Variants in OSBPL10 observed in about 807,000 individuals in gnomAD.
The protein encoded by OSBPL10 is oxysterol binding protein like 10.
A neutral mutation model predicts 81.7 loss-of-function variants in OSBPL10; 49 were observed. That is an observed-to-expected ratio of 0.60 (90% CI 0.48 to 0.76). The LOEUF is 0.76. Ranked by LOEUF, OSBPL10 falls within the 30% of genes least tolerant of loss-of-function variation. OSBPL10 has a pLI of 0.00. For synonymous variants in OSBPL10, 419 were observed against 383.6 expected, an observed-to-expected ratio of 1.09 and a Z score of -1.08; for missense variants, 923 against 987.8, an observed-to-expected ratio of 0.93 and a Z score of 0.88.
At chr3:31,681,928 T>C (rs1169790531) in intron 8 of OSBPL10, among the ~76,000 whole-genome samples, 2 of 152,184 alleles carry the variant, frequency 1.3e-5, no homozygotes, top group African/African-American at 4.8e-5. Context: ...TCCCATACTC[T>C]TCCTTCAAAG....
chr3:31,885,851 C>T (rs1251326218), intron 1 of OSBPL10, among the ~76,000 whole-genome samples: 4 of 148,512 alleles, frequency 2.7e-5, no homozygotes, highest in Non-Finnish European at 6.0e-5. Context: ...AAAAATTAGC[C>T]TGGCATGGTG....
chr3:31,776,679 G>C (rs1363118537), intron 4 of OSBPL10, among the ~76,000 whole-genome samples: 1 of 152,164 alleles, frequency 6.6e-6, no homozygotes, highest in Non-Finnish European at 1.5e-5. Context: ...CATTGTAAGT[G>C]AAAGGAGACA....
intron 1 of OSBPL10, among the ~76,000 whole-genome samples, chr3:32,057,684 G>GGTC (rs1483386397): frequency 6.6e-6 from 1 of 152,132 alleles, no homozygotes; most frequent in Non-Finnish European, 1.5e-5. Context: ...ACCTCCACCT[G>GGTC]GTCTCTCCTT....
At chr3:32,017,715 C>T (rs1008906240) in intron 2 of OSBPL10, among the ~76,000 whole-genome samples, 1 of 152,150 alleles carries the variant, frequency 6.6e-6, no homozygotes, top group Non-Finnish European at 1.5e-5. Flanking sequence ...TCAGTTAAGC[C>T]ATTTCACTTC....
intron 1 of OSBPL10, among the ~76,000 whole-genome samples, chr3:32,070,764 C>G (rs1699822974): frequency 6.6e-6 from 1 of 152,198 alleles, no homozygotes; most frequent in African/African-American, 2.4e-5. Context: ...CCTGTGGTGC[C>G]CAACCCATAC....
intron 2 of OSBPL10, among the ~76,000 whole-genome samples, chr3:31,996,774 C>T (rs1699093965): frequency 6.6e-6 from 1 of 152,160 alleles, no homozygotes; most frequent in African/African-American, 2.4e-5. Context: ...CCGCTATCAA[C>T]TCCAGAGAGT....
At chr3:31,950,078 G>A (rs578113129) in intron 1 of OSBPL10, among the ~76,000 whole-genome samples, 1 of 152,284 alleles carries the variant, frequency 6.6e-6, no homozygotes, top group East Asian at 1.9e-4. Context: ...AGGGATGACT[G>A]TTTCTGCCAG....
At chr3:32,057,858 G>A (rs1302614647) in intron 1 of OSBPL10, among the ~76,000 whole-genome samples, 1 of 152,190 alleles carries the variant, frequency 6.6e-6, no homozygotes, top group African/African-American at 2.4e-5. Context: ...CAACCCAGGA[G>A]GTGGAAGTAC....
chr3:31,733,573 ATC>A (rs531541449), intron 5 of OSBPL10, among the ~76,000 whole-genome samples, 162 bp from the exon 6 acceptor site: 2 of 152,094 alleles, frequency 1.3e-5, no homozygotes, highest in Non-Finnish European at 2.9e-5. Context: ...GATTCTGATC[ATC>A]TGTTGATGAA....
rs1467797042 is a variant in OSBPL10, at chr3:31,713,489, C to T, written c.1096-10981G>A. On this transcript the variant is annotated intron_variant, in intron 6 of 11. Transcript: ENST00000396556. Reference sequence around the variant, plus strand: ...TTGGCTCACTGCAACCTTCCCCTCCCGGGCTTAAGCAATTCTCCTGCCTCA... The same window carrying T: ...TTGGCTCACTGCAACCTTCCCCTCCTGGGCTTAAGCAATTCTCCTGCCTCA... 5.9e-5 allele frequency among the ~76,000 whole-genome samples: 9 copies of T among 151,854 alleles called. No homozygotes were observed. In the East Asian group the frequency reaches 1.4e-3, roughly 23 times the overall value.
intron 4 of OSBPL10, among the ~76,000 whole-genome samples, chr3:31,782,315 A>T (rs992400601): frequency 1.3e-5 from 2 of 152,150 alleles, no homozygotes; most frequent in Non-Finnish European, 2.9e-5. Context: ...TAAATATAAG[A>T]CCTAAAACCA....
intron 4 of OSBPL10, among the ~76,000 whole-genome samples, chr3:31,752,380 G>A (rs1294701657): frequency 6.6e-6 from 1 of 152,056 alleles, no homozygotes; most frequent in Non-Finnish European, 1.5e-5. Flanking sequence ...GTTGTAACAT[G>A]GGCACAAAAA....
At chr3:31,999,739 C>T (rs997553953) in intron 2 of OSBPL10, among the ~76,000 whole-genome samples, 4 of 152,098 alleles carry the variant, frequency 2.6e-5, no homozygotes, top group African/African-American at 7.2e-5. Context: ...CTCTGCTATG[C>T]CCAGATGTCA....
intron 1 of OSBPL10, among the ~76,000 whole-genome samples, chr3:31,932,953 G>C (rs1310678279): frequency 6.6e-6 from 1 of 151,656 alleles, no homozygotes; most frequent in Non-Finnish European, 1.5e-5. Context: ...CACTTGAAAA[G>C]GTTCAATTTT....
chr3:31,892,481 C>T (rs906020680), intron 1 of OSBPL10, among the ~76,000 whole-genome samples: 26 of 152,194 alleles, frequency 1.7e-4, no homozygotes, highest in Admixed American at 2.0e-4. Context: ...TGCAGAGACT[C>T]GCTTTCTCTC....
intron 4 of OSBPL10, among the ~76,000 whole-genome samples, chr3:31,807,991 A>C (rs931910760): frequency 1.3e-5 from 2 of 152,228 alleles, no homozygotes; most frequent in African/African-American, 2.4e-5. Context: ...AGAATAACAG[A>C]GAATTCAGGG....
chr3:31,689,451 C>A (rs141378402), intron 7 of OSBPL10, among the ~76,000 whole-genome samples: 90 of 152,298 alleles, frequency 5.9e-4, no homozygotes, highest in African/African-American at 2.0e-3. Flanking sequence ...AAGACACTCA[C>A]CAAAGGGGTA....
At chr3:31,928,056 A>C (rs540847493) in intron 1 of OSBPL10, among the ~76,000 whole-genome samples, 1 of 152,192 alleles carries the variant, frequency 6.6e-6, no homozygotes, top group Non-Finnish European at 1.5e-5. Flanking sequence ...GACCAGTAAA[A>C]ATAAGGTCAT....
chr3:31,812,386 G>A (rs1229745631), intron 4 of OSBPL10, among the ~76,000 whole-genome samples: 1 of 152,180 alleles, frequency 6.6e-6, no homozygotes, highest in Non-Finnish European at 1.5e-5. Context: ...CCCCTAGGCA[G>A]GGTTAAAGGG....
Sources: gnomAD v4.1 joint callset for allele counts (sites outside exome capture counted in the v4.1 genomes callset) on GRCh38, gnomAD v4.1.1 for gene constraint, MANE v1.5 for transcripts, NCBI Gene and HGNC (gene_info 2026-07-23, HGNC 2026-07-21) for gene names.